ATP13A4: variants seen among roughly 807,000 people sequenced by gnomAD.
ATP13A4 encodes ATPase 13A4, also known as probable cation-transporting ATPase 13A4.
A neutral mutation model predicts 142.5 loss-of-function variants in ATP13A4; 114 were observed. The observed-to-expected ratio is 0.80, with a 90% CI of 0.69 to 0.93. The LOEUF (loss-of-function observed/expected upper bound fraction) is 0.93, where lower values mean the gene tolerates loss of function less well. Ranked by LOEUF, ATP13A4 falls within the 40% of genes least tolerant of loss-of-function variation. The probability of loss-of-function intolerance (pLI) is 0.00; values close to 1 mark genes in which losing one functional copy is unlikely to be tolerated. For synonymous variants in ATP13A4, 488 were observed against 514.8 expected, an observed-to-expected ratio of 0.95 and a Z score of 0.70; for missense variants, 1,392 against 1,454.0, an observed-to-expected ratio of 0.96 and a Z score of 0.69.
chr3:193,467,309 T>C lies in ATP13A4; in HGVS notation c.1114+7A>G. ...ATTAAAAATAAGAAAAAGGAGGGGATGCTAACCAGTCTGCAGTACCACGGC... is the reference window on the plus strand; with the variant it reads ...ATTAAAAATAAGAAAAAGGAGGGGACGCTAACCAGTCTGCAGTACCACGGC... On this transcript the variant is annotated splice_region_variant and intron_variant, in intron 10 of 29. Transcript: ENST00000342695. The C allele has an allele frequency of 3.7e-6, 6 of 1,614,098 alleles. No individual in the cohort carries two copies. The highest frequency in any genetic ancestry group is 5.1e-6 in the Non-Finnish European group (6 of 1,179,972).
At chr3:193,572,300 A>G (rs185352692) in intron 2 of ATP13A4, among the ~76,000 whole-genome samples, 32 of 152,322 alleles carry the variant, frequency 2.1e-4, no homozygotes, top group African/African-American at 7.2e-4. Context: ...TCTCTATCCT[A>G]TCTTCATAAT....
At chr3:193,502,882 C>T (rs977597061) in intron 2 of ATP13A4, among the ~76,000 whole-genome samples, 63 of 152,186 alleles carry the variant, frequency 4.1e-4, no homozygotes, top group African/African-American at 1.5e-3. Context: ...GCTTGAGAAT[C>T]AGGAGGCTCA....
chr3:193,549,595 C>T (rs1348697459), intron 1 of ATP13A4, among the ~76,000 whole-genome samples: 1 of 152,028 alleles, frequency 6.6e-6, no homozygotes, highest in East Asian at 1.9e-4. Flanking sequence ...TCTGGGAGGC[C>T]AAGGCAGGTG....
intron 11 of ATP13A4, among the ~76,000 whole-genome samples, chr3:193,465,707 CTAAATA>C (rs973063623): frequency 6.6e-6 from 1 of 152,008 alleles, no homozygotes; most frequent in African/African-American, 2.4e-5. Context: ...CTCAATAGCT[CTAAATA>C]TGCTACTTTA....
At chr3:193,466,812 T>C (rs1008948295) in intron 10 of ATP13A4, among the ~76,000 whole-genome samples, 2 of 152,236 alleles carry the variant, frequency 1.3e-5, no homozygotes, top group Admixed American at 1.3e-4. Flanking sequence ...ATAATTATTG[T>C]TATCAGTACT....
chr3:193,499,060 A>T (rs1262337863), intron 3 of ATP13A4, among the ~76,000 whole-genome samples: 1 of 152,252 alleles, frequency 6.6e-6, no homozygotes, highest in Non-Finnish European at 1.5e-5. Flanking sequence ...CAATAGGTGT[A>T]TGTACAGGTA....
At chr3:193,516,244 T>C (rs1480060529) in intron 1 of ATP13A4, among the ~76,000 whole-genome samples, 2 of 152,240 alleles carry the variant, frequency 1.3e-5, no homozygotes, top group Admixed American at 6.5e-5. Flanking sequence ...GGAAAGGTTC[T>C]GTGATGCTTG....
intron 10 of ATP13A4, among the ~76,000 whole-genome samples, chr3:193,466,390 C>T (rs1718288306): frequency 6.6e-6 from 1 of 152,342 alleles, no homozygotes; most frequent in Non-Finnish European, 1.5e-5. Context: ...CCTTCCTTCC[C>T]TCTACTTCCA....
At position 193,411,137 on chromosome 3, in the gene ATP13A4, G is replaced by A. The variant is rs115378623; in HGVS notation, c.3209-67C>T. ...AGTGAAAAATGTCACATATATTGAC[G>A]GATGTATTCTAGATTAACACTGATT... On this transcript the variant is annotated intron_variant, in intron 27 of 29. Coordinates refer to ENST00000342695, the MANE Select transcript of ATP13A4 (RefSeq NM_032279.4). 1,035 of 1,027,852 alleles carry A rather than the reference G, an allele frequency of 1.0e-3. 4 individuals carry two copies. The African/African-American group carries it at 0.014, about 14-fold the overall frequency. 63.7% of individuals were successfully genotyped at this position (1,027,852 alleles called of 1,614,324 possible).
intron 8 of ATP13A4, 52 bp downstream of exon 8, chr3:193,483,884 T>A: frequency 1.5e-6 from 2 of 1,337,160 alleles, no homozygotes; most frequent in South Asian, 2.3e-5. Flanking sequence ...AAATTTAAAT[T>A]CTTTTCTGAT....
chr3:193,469,449 A>T (rs1351325644), intron 9 of ATP13A4, among the ~76,000 whole-genome samples: 1 of 152,136 alleles, frequency 6.6e-6, no homozygotes, highest in Non-Finnish European at 1.5e-5. Context: ...AACATCGTGA[A>T]ACGCCACCTC....
At chr3:193,557,057 AC>A (rs1723917037), upstream of ATP13A4, among the ~76,000 whole-genome samples, 1 of 152,188 alleles carries the variant, frequency 6.6e-6, no homozygotes, top group South Asian at 2.1e-4. Context: ...CAACTCTTGC[AC>A]CGTTGTGGGA....
intron 2 of ATP13A4, among the ~76,000 whole-genome samples, chr3:193,563,842 G>C (rs1724069503): frequency 6.6e-6 from 1 of 152,152 alleles, no homozygotes; most frequent in South Asian, 2.1e-4. Context: ...GAAGGAGAGA[G>C]ATTTACAACC....
chr3:193,513,366 C>T (rs1038701331), intron 2 of ATP13A4, among the ~76,000 whole-genome samples: 1 of 152,186 alleles, frequency 6.6e-6, no homozygotes, highest in Non-Finnish European at 1.5e-5. Flanking sequence ...AAACTCCCAA[C>T]AGAGTTTGAT....
intron 29 of ATP13A4, chr3:193,404,039 G>A: frequency 2.0e-6 from 2 of 985,328 alleles, no homozygotes; most frequent in African/African-American, 1.7e-5. Context: ...GCTGGCTGCG[G>A]GGCTGTTAAA....
intron 25 of ATP13A4, among the ~76,000 whole-genome samples, chr3:193,415,707 C>G (rs1420623074): frequency 6.6e-6 from 1 of 152,194 alleles, no homozygotes; most frequent in Non-Finnish European, 1.5e-5. Context: ...AAGCAGTGCA[C>G]ATTGCTTGAA....
chr3:193,541,108 GC>G (rs1465665501), intron 1 of ATP13A4, among the ~76,000 whole-genome samples: 1 of 151,836 alleles, frequency 6.6e-6, no homozygotes, highest in Non-Finnish European at 1.5e-5. Flanking sequence ...AATTAGCCGG[GC>G]GTGGTGGCAG....
intron 1 of ATP13A4, among the ~76,000 whole-genome samples, chr3:193,584,966 C>T (rs186049563): frequency 2.6e-5 from 4 of 152,254 alleles, no homozygotes; most frequent in Admixed American, 6.5e-5. Flanking sequence ...TGTTCCTCCC[C>T]ACTCTCCATA....
Position 193,500,729 on chromosome 3 carries a change from C to T in ATP13A4, c.381+1764G>A, listed in dbSNP as rs555162637. 5.3e-5 allele frequency among the ~76,000 whole-genome samples: 8 copies of T among 152,250 alleles called. No individual in the cohort carries two copies. In the East Asian group the frequency reaches 7.7e-4, roughly 15 times the overall value. On this transcript the variant is annotated intron_variant, in intron 3 of 29. Transcript: ENST00000342695. ...AACAGGCCATGGACAGGGCACCAAT[C>T]GGTGGCCTGGGGATTGGGGACCCCT...
Sources: allele counts gnomAD v4.1 joint callset (sites outside exome capture counted in the v4.1 genomes callset), GRCh38; gene constraint gnomAD v4.1.1; transcripts MANE v1.5; gene names NCBI Gene and HGNC (gene_info 2026-07-23, HGNC 2026-07-21).